The following SFTPD variants were observed in gnomAD, a reference collection of about 807,000 sequenced individuals.
SFTPD encodes surfactant protein D.
A neutral mutation model predicts 34.6 loss-of-function variants in SFTPD; 18 were observed. That is an observed-to-expected ratio of 0.52 (90% CI 0.36 to 0.77). The LOEUF (loss-of-function observed/expected upper bound fraction) is 0.77. Ranked by LOEUF, SFTPD falls within the 30% of genes least tolerant of loss-of-function variation. The pLI is 0.00. For missense variants in SFTPD, 433 were observed against 468.9 expected (o/e 0.92, Z 0.71); for synonymous variants, 155 against 180.9 (o/e 0.86, Z 1.15).
intron 1 of SFTPD, among the ~76,000 whole-genome samples, chr10:79,967,944 C>T (rs1264420806): frequency 6.6e-6 from 1 of 151,464 alleles, no homozygotes; most frequent in Non-Finnish European, 1.5e-5. Context: ...TATAAAACAG[C>T]CCCACCCCTA....
intron 6 of SFTPD, 55 bp downstream of exon 6, chr10:79,941,343 C>A: frequency 6.7e-7 from 1 of 1,498,804 alleles, no homozygotes. Context: ...AGGGCTTCCT[C>A]TCTGCCCACC....
At chr10:79,959,990 C>T (rs1273091629) in intron 1 of SFTPD, among the ~76,000 whole-genome samples, 1 of 151,902 alleles carries the variant, frequency 6.6e-6, no homozygotes, top group African/African-American at 2.4e-5. Context: ...GCTGGTTCAA[C>T]ATACACAAAT....
At chr10:79,966,668 T>C (rs973638041) in intron 1 of SFTPD, among the ~76,000 whole-genome samples, 1 of 146,638 alleles carries the variant, frequency 6.8e-6, no homozygotes, top group African/African-American at 2.6e-5. Flanking sequence ...CATGCCTATG[T>C]CCTGAATGGT....
chr10:79,979,948 G>A (rs1423033936), intron 1 of SFTPD, among the ~76,000 whole-genome samples: 1 of 152,198 alleles, frequency 6.6e-6, no homozygotes, highest in Non-Finnish European at 1.5e-5. Flanking sequence ...GTAAAATAAA[G>A]CACCAAGCAG....
At position 79,942,517 on chromosome 10, in the gene SFTPD, AC is replaced by A; in HGVS notation, c.317-14del. ...GGTCCTGGAGGTCCTGAGCAAAAGC[AC>A]CAGCCCGGTCAGTAACAATGAATCC... On this transcript the variant is annotated splice_polypyrimidine_tract_variant and intron_variant, in intron 3 of 7. Coordinates refer to ENST00000372292, the MANE Select transcript of SFTPD (RefSeq NM_003019.5). The A allele has an allele frequency of 6.5e-7, 1 of 1,541,896 alleles. No individual in the cohort carries two copies. The highest frequency in any genetic ancestry group is 9.0e-7 in the Non-Finnish European group (1 of 1,114,348).
intron 7 of SFTPD, among the ~76,000 whole-genome samples, chr10:79,938,843 T>A (rs1241971131): frequency 6.6e-6 from 1 of 152,162 alleles, no homozygotes; most frequent in African/African-American, 2.4e-5. Context: ...GTCGGCCTCT[T>A]AGTATGCACA....
At chr10:79,955,336 CTATAAT>C (rs1371088084) in intron 1 of SFTPD, among the ~76,000 whole-genome samples, 3 of 152,044 alleles carry the variant, frequency 2.0e-5, no homozygotes, top group Non-Finnish European at 4.4e-5. Context: ...TGTCATGAGA[CTATAAT>C]TATAATGTTT....
intron 1 of SFTPD, among the ~76,000 whole-genome samples, chr10:79,954,402 G>A (rs935443979): frequency 6.6e-6 from 1 of 151,464 alleles, no homozygotes; most frequent in Admixed American, 6.6e-5. Flanking sequence ...CTGCATGTGT[G>A]TGCTTGCTGC....
chr10:79,952,894 G>A (rs1006285990), upstream of SFTPD, among the ~76,000 whole-genome samples: 4 of 152,252 alleles, frequency 2.6e-5, no homozygotes, highest in African/African-American at 9.6e-5. Context: ...CACAGGTGCA[G>A]AGGGTTTCTC....
rs1842617387 is a variant in SFTPD, at chr10:79,941,986, T to C, written c.518A>G (p.Glu173Gly). The C allele has an allele frequency of 1.2e-6, 2 of 1,613,782 alleles. No homozygotes were observed. Among genetic ancestry groups the C allele is most frequent in the South Asian group, 1.1e-5 (1 of 91,068 alleles). Reference protein sequence around the residue: ...GPKGERGVPGERGVPGNTGAA... With the variant: ...GPKGERGVPGGRGVPGNTGAA... ...CCCTGTGTTTCCAGGGACTCCACGCTCACCAGGGACACCTCGCTCTCCCTT... is the reference window on the plus strand; with the variant it reads ...CCCTGTGTTTCCAGGGACTCCACGCCCACCAGGGACACCTCGCTCTCCCTT... The change falls in exon 5 of 8, where the codon GAG becomes GGG. Residue 173 changes from glutamate (E) to glycine (G), a missense_variant. Glu to Gly is a moderately conservative substitution (Grantham distance 98). Coordinates refer to ENST00000372292, the MANE Select transcript of SFTPD (RefSeq NM_003019.5).
chr10:79,964,543 A>G (rs763650563), intron 1 of SFTPD, among the ~76,000 whole-genome samples: 1 of 152,128 alleles, frequency 6.6e-6, no homozygotes, highest in Non-Finnish European at 1.5e-5. Context: ...CAAGGAAAAT[A>G]TCTCCTTCCA....
intron 1 of SFTPD, among the ~76,000 whole-genome samples, chr10:79,961,023 C>CAAGCAATGTTTGTTT (rs1842769284): frequency 3.3e-5 from 5 of 152,158 alleles, no homozygotes; most frequent in Non-Finnish European, 7.3e-5. Context: ...TTTGACAAAC[C>CAAGCAATGTTTGTTT]TGACAAAAAC....
At chr10:79,965,087 T>G (rs996349123) in intron 1 of SFTPD, among the ~76,000 whole-genome samples, 2 of 152,146 alleles carry the variant, frequency 1.3e-5, no homozygotes. Context: ...GGACTAATGG[T>G]CTTTTAAAAA....
At chr10:79,957,111 TAACA>T (rs1386103238) in intron 1 of SFTPD, among the ~76,000 whole-genome samples, 2 of 152,008 alleles carry the variant, frequency 1.3e-5, no homozygotes, top group African/African-American at 2.4e-5. Context: ...GAAGGAAAAC[TAACA>T]AACAGAAAGG....
At chr10:79,975,331 C>G (rs1374469365) in intron 1 of SFTPD, among the ~76,000 whole-genome samples, 1 of 152,142 alleles carries the variant, frequency 6.6e-6, no homozygotes, top group African/African-American at 2.4e-5. Context: ...GCTCTGTAAC[C>G]TCTTCTGTTA....
intron 1 of SFTPD, among the ~76,000 whole-genome samples, chr10:79,963,254 G>A (rs1395820075): frequency 1.3e-5 from 2 of 151,904 alleles, no homozygotes; most frequent in Non-Finnish European, 2.9e-5. Flanking sequence ...GAATCTGGGA[G>A]GCTGGAGGAT....
chr10:79,970,429 G>A (rs1018411877), intron 1 of SFTPD: 2 of 152,004 alleles, frequency 1.3e-5, no homozygotes, highest in African/African-American at 4.8e-5. Flanking sequence ...ATTTTAATAG[G>A]AACTTTATTG....
intron 2 of SFTPD, among the ~76,000 whole-genome samples, chr10:79,943,319 T>C (rs1285455271): frequency 6.6e-6 from 1 of 152,220 alleles, no homozygotes; most frequent in East Asian, 1.9e-4. Flanking sequence ...GAGCCATCTA[T>C]GCAGCATCTA....
Position 79,941,459 on chromosome 10 carries a change from T to C in SFTPD, c.606A>G (p.Gly202=), listed in dbSNP as rs1394257235. Residue 202 remains glycine, a synonymous_variant, in exon 6 of 8, where the codon GGA becomes GGG. Transcript: ENST00000372292. ...CAGGAATGCCTTTGTCCCCCTTCAATCCCGGGGGTCCCCTGGCACCTGGAC... is the reference window on the plus strand; with the variant it reads ...CAGGAATGCCTTTGTCCCCCTTCAACCCCGGGGGTCCCCTGGCACCTGGAC... ...QGSPGARGPP[G]LKGDKGIPGD... 1 of 1,613,068 alleles carries C rather than the reference T, an allele frequency of 6.2e-7. No homozygotes were observed. The highest frequency in any genetic ancestry group is 8.5e-7 in the Non-Finnish European group (1 of 1,179,516).
Sources: allele counts gnomAD v4.1 joint callset (sites outside exome capture counted in the v4.1 genomes callset), GRCh38; gene constraint gnomAD v4.1.1; transcripts MANE v1.5; gene names NCBI Gene and HGNC (gene_info 2026-07-23, HGNC 2026-07-21).